C8orf34: variants seen among roughly 807,000 people sequenced by gnomAD.
C8orf34 encodes chromosome 8 open reading frame 34, also known as uncharacterized protein C8orf34.
A neutral mutation model predicts 68.3 loss-of-function variants in C8orf34; 65 were observed. The observed-to-expected ratio is 0.95, with a 90% CI of 0.78 to 1.17. C8orf34 has a LOEUF of 1.17. Among genes scored for constraint, C8orf34 ranks in the 50% most tolerant of loss-of-function variants. The probability of loss-of-function intolerance (pLI) is 0.00; values close to 1 mark genes in which losing one functional copy is unlikely to be tolerated. For synonymous variants in C8orf34, 244 were observed against 241.2 expected, an observed-to-expected ratio of 1.01 and a Z score of -0.11; for missense variants, 664 against 655.4, an observed-to-expected ratio of 1.01 and a Z score of -0.14.
intron 7 of C8orf34, among the ~76,000 whole-genome samples, chr8:68,555,576 G>T (rs1816226423): frequency 6.6e-6 from 1 of 151,936 alleles, no homozygotes; most frequent in African/African-American, 2.4e-5. Flanking sequence ...CATCATTCCA[G>T]TTCCCTCCCT....
intron 10 of C8orf34, among the ~76,000 whole-genome samples, chr8:68,756,662 C>A (rs1822870508): frequency 6.6e-6 from 1 of 151,914 alleles, no homozygotes; most frequent in South Asian, 2.1e-4. Context: ...TATTTAATTT[C>A]CAATTTATAA....
chr8:68,520,531 A>G (rs978223438), intron 5 of C8orf34, among the ~76,000 whole-genome samples: 7 of 151,960 alleles, frequency 4.6e-5, no homozygotes, highest in Admixed American at 6.6e-5. Context: ...GCTCACTGCA[A>G]GCTCCACCTC....
rs1812259521 is a variant in C8orf34, at chr8:68,468,841, A to G, written c.736+21A>G. On this transcript the variant is annotated intron_variant, in intron 4 of 13. Coordinates refer to ENST00000518698, the MANE Select transcript of C8orf34 (RefSeq NM_052958.4). The stretch of plus-strand genomic sequence containing the variant: ...TCGAAGTAAGTTCATTTACTTGATT[A>G]TAATTGAAACTCCTAACCAATATTA... 4.4e-6 allele frequency: 7 copies of G among 1,602,826 alleles called. No homozygotes were observed. The East Asian group carries it at 1.6e-4, about 36-fold the overall frequency.
intron 7 of C8orf34, among the ~76,000 whole-genome samples, chr8:68,593,634 T>C (rs1212648382): frequency 1.3e-5 from 2 of 152,122 alleles, no homozygotes; most frequent in Non-Finnish European, 2.9e-5. Flanking sequence ...ATTTTCCTGT[T>C]CACATTTTGT....
chr8:68,503,254 G>A (rs1813855707), intron 5 of C8orf34, among the ~76,000 whole-genome samples: 1 of 152,054 alleles, frequency 6.6e-6, no homozygotes, highest in South Asian at 2.1e-4. Flanking sequence ...GAGTATTATT[G>A]TTATCTATGT....
chr8:68,699,084 T>A (rs1247882388), intron 8 of C8orf34, among the ~76,000 whole-genome samples: 1 of 151,956 alleles, frequency 6.6e-6, no homozygotes, highest in Middle Eastern at 3.2e-3. Flanking sequence ...TGGGCTCTAC[T>A]TCAGACCTTC....
chr8:68,815,995 C>A, intron 13 of C8orf34, 50 bp downstream of exon 13: 1 of 1,612,950 alleles, frequency 6.2e-7, no homozygotes, highest in Non-Finnish European at 8.5e-7. Context: ...TGGCGGGTAC[C>A]TTCTAAAACT....
intron 7 of C8orf34, among the ~76,000 whole-genome samples, chr8:68,582,396 G>T (rs1042476849): frequency 6.6e-6 from 1 of 152,118 alleles, no homozygotes; most frequent in Admixed American, 6.6e-5. Context: ...ACAAGGGTAG[G>T]TTAGAGAATT....
intron 3 of C8orf34, among the ~76,000 whole-genome samples, chr8:68,464,234 A>T (rs1811995456): frequency 2.0e-5 from 3 of 152,264 alleles, no homozygotes; most frequent in Admixed American, 2.0e-4. Flanking sequence ...TAGGAATCCA[A>T]CTTACAAGGG....
chr8:68,429,038 T>TA (rs1275555873), intron 1 of C8orf34, among the ~76,000 whole-genome samples: 1 of 152,068 alleles, frequency 6.6e-6, no homozygotes, highest in Admixed American at 6.6e-5. Context: ...TAGAGGATTT[T>TA]AAAAAATAGG....
At chr8:68,443,468 C>T (rs1263731555) in intron 2 of C8orf34, among the ~76,000 whole-genome samples, 1 of 152,072 alleles carries the variant, frequency 6.6e-6, no homozygotes, top group African/African-American at 2.4e-5. Flanking sequence ...GATCTCGGCT[C>T]ACTGCAACCT....
At chr8:68,620,973 G>T (rs1054053134) in intron 7 of C8orf34, among the ~76,000 whole-genome samples, 2 of 152,146 alleles carry the variant, frequency 1.3e-5, no homozygotes, top group Non-Finnish European at 2.9e-5. Context: ...TGCGGAAATA[G>T]TGATCCATAG....
chr8:68,611,577 C>A (rs1313337009), intron 7 of C8orf34, among the ~76,000 whole-genome samples: 1 of 152,096 alleles, frequency 6.6e-6, no homozygotes, highest in Non-Finnish European at 1.5e-5. Context: ...AAAAACCACT[C>A]CTTGTAGTTG....
At chr8:68,758,036 G>A (rs146458596) in intron 10 of C8orf34, among the ~76,000 whole-genome samples, 17 of 152,336 alleles carry the variant, frequency 1.1e-4, no homozygotes, top group African/African-American at 4.1e-4. Context: ...TACACGTTCA[G>A]TCAGTCAGCA....
rs566889915 is a variant in C8orf34 at position 68,685,314 on chromosome 8, A to G, written c.1242-23680A>G. Reference sequence around the variant, plus strand: ...TAACCTTTTAACTTCTCAAAGTGAAATGATTAAAAACAAATAAATAAGGTG... The same window carrying G: ...TAACCTTTTAACTTCTCAAAGTGAAGTGATTAAAAACAAATAAATAAGGTG... On this transcript the variant is annotated intron_variant, in intron 8 of 13. Transcript: ENST00000518698. Among the ~76,000 whole-genome samples the G allele has an allele frequency of 3.3e-5, 5 of 152,260 alleles. No individual in the cohort carries two copies. The South Asian group carries it at 1.0e-3, about 32-fold the overall frequency.
intron 9 of C8orf34, among the ~76,000 whole-genome samples, chr8:68,711,693 A>G (rs780545324): frequency 3.3e-5 from 5 of 152,302 alleles, no homozygotes; most frequent in South Asian, 4.1e-4. Flanking sequence ...ACTGTGTTAC[A>G]TGTCCAAACC....
intron 4 of C8orf34, among the ~76,000 whole-genome samples, chr8:68,479,406 T>TGAGAGAGA (rs10573693): frequency 3.2e-4 from 47 of 147,334 alleles, no homozygotes; most frequent in African/African-American, 1.1e-3. Flanking sequence ...AGAGAAACAG[T>TGAGAGAGA]GAGAGAGAGA....
chr8:68,490,938 CA>C (rs1474856941), intron 5 of C8orf34, among the ~76,000 whole-genome samples: 1 of 152,178 alleles, frequency 6.6e-6, no homozygotes, highest in African/African-American at 2.4e-5. Flanking sequence ...GAAAAACAGC[CA>C]ATCGGAATGG....
intron 1 of C8orf34, among the ~76,000 whole-genome samples, chr8:68,383,785 A>G (rs923442703): frequency 1.3e-5 from 2 of 152,200 alleles, no homozygotes; most frequent in Admixed American, 6.5e-5. Context: ...TGGCATCTCC[A>G]TGACTGTCTT....
Sources: allele counts gnomAD v4.1 joint callset (sites outside exome capture counted in the v4.1 genomes callset), GRCh38; gene constraint gnomAD v4.1.1; transcripts MANE v1.5; gene names NCBI Gene and HGNC (gene_info 2026-07-23, HGNC 2026-07-21).